STARD13: variants seen among roughly 807,000 people sequenced by gnomAD.
STARD13 encodes the protein stAR-related lipid transfer protein 13.
A neutral mutation model predicts 106.4 loss-of-function variants in STARD13; 62 were observed. That is an observed-to-expected ratio of 0.58 (90% CI 0.48 to 0.72). The LOEUF (loss-of-function observed/expected upper bound fraction) is 0.72, where lower values mean the gene tolerates loss of function less well. Ranked by LOEUF, STARD13 falls within the 30% of genes least tolerant of loss-of-function variation. The probability of loss-of-function intolerance (pLI) is 0.00; values close to 1 mark genes in which losing one functional copy is unlikely to be tolerated. For synonymous variants in STARD13, 565 were observed against 553.0 expected, an observed-to-expected ratio of 1.02 and a Z score of -0.31; for missense variants, 1,387 against 1,424.0, an observed-to-expected ratio of 0.97 and a Z score of 0.42.
At chr13:33,174,971 A>G (rs1398786818) in intron 1 of STARD13, among the ~76,000 whole-genome samples, 1 of 152,216 alleles carries the variant, frequency 6.6e-6, no homozygotes, top group African/African-American at 2.4e-5. Flanking sequence ...GCACCACAGA[A>G]AATCAAAAGC....
At chr13:33,192,730 C>A (rs1398710032) in intron 1 of STARD13, among the ~76,000 whole-genome samples, 1 of 152,134 alleles carries the variant, frequency 6.6e-6, no homozygotes, top group East Asian at 1.9e-4. Context: ...GAAACGCCAT[C>A]TCTACTAAAA....
chr13:33,204,567 G>C (rs185242271), intron 1 of STARD13, among the ~76,000 whole-genome samples: 1 of 152,144 alleles, frequency 6.6e-6, no homozygotes, highest in African/African-American at 2.4e-5. Flanking sequence ...TGTCAGTAAC[G>C]GCATAATCTC....
intron 1 of STARD13, among the ~76,000 whole-genome samples, chr13:33,238,397 A>C (rs1026249309): frequency 6.6e-6 from 1 of 152,202 alleles, no homozygotes; most frequent in Non-Finnish European, 1.5e-5. Flanking sequence ...AAATAAGGTG[A>C]AAGATTTGGG....
chr13:33,379,559 C>T, the STARD13 span, among the ~76,000 whole-genome samples: 4 of 152,152 alleles, frequency 2.6e-5, no homozygotes, highest in African/African-American at 9.7e-5. Context: ...ATTGCCTGTT[C>T]TCTCACTGGG....
chr13:33,443,720 C>T, the STARD13 span, among the ~76,000 whole-genome samples: 1 of 151,702 alleles, frequency 6.6e-6, no homozygotes, highest in East Asian at 2.0e-4. Flanking sequence ...CCCGTCTCTA[C>T]TGAAAATACA....
At chr13:33,269,992 T>A (rs936284945) in intron 1 of STARD13, among the ~76,000 whole-genome samples, 6 of 152,064 alleles carry the variant, frequency 3.9e-5, no homozygotes. Context: ...TCCCCGCACT[T>A]TGGGAGGCCG....
the STARD13 span, among the ~76,000 whole-genome samples, chr13:33,544,106 C>A: frequency 6.6e-6 from 1 of 152,136 alleles, no homozygotes; most frequent in Non-Finnish European, 1.5e-5. Context: ...AGTAATTGTT[C>A]TTTAGCTGTT....
intron 1 of STARD13, among the ~76,000 whole-genome samples, chr13:33,331,217 T>C (rs556409762): frequency 6.6e-6 from 1 of 152,304 alleles, no homozygotes; most frequent in Admixed American, 6.5e-5. Context: ...TCCGTGCATC[T>C]GTTTCTTTGC....
At chr13:33,506,922 T>C in the STARD13 span, among the ~76,000 whole-genome samples, 7 of 152,080 alleles carry the variant, frequency 4.6e-5, no homozygotes, top group African/African-American at 1.7e-4. Context: ...GACCTGCCTG[T>C]GCAACATAGT....
At chr13:33,377,349 G>A in the STARD13 span, among the ~76,000 whole-genome samples, 1 of 152,124 alleles carries the variant, frequency 6.6e-6, no homozygotes, top group Non-Finnish European at 1.5e-5. Flanking sequence ...AATGTGAAGA[G>A]ACATCTGGGA....
the STARD13 span, among the ~76,000 whole-genome samples, chr13:33,496,243 AT>A: frequency 6.8e-6 from 1 of 147,716 alleles, no homozygotes; most frequent in Non-Finnish European, 1.5e-5. Context: ...TATAAATTTT[AT>A]AATTTACATA....
chr13:33,627,776 C>T, the STARD13 span, among the ~76,000 whole-genome samples: 1 of 152,132 alleles, frequency 6.6e-6, no homozygotes, highest in Admixed American at 6.5e-5. Context: ...ATTGGCCTAG[C>T]CCTTAATTTA....
At chr13:33,315,539 A>G (rs1054477518) in intron 1 of STARD13, among the ~76,000 whole-genome samples, 1 of 152,216 alleles carries the variant, frequency 6.6e-6, no homozygotes, top group African/African-American at 2.4e-5. Flanking sequence ...ATCCACTGAC[A>G]GCAATGGTAA....
chr13:33,110,551 A>T, intron 11 of STARD13, 135 bp downstream of exon 11: 1 of 718,968 alleles, frequency 1.4e-6, no homozygotes, highest in South Asian at 1.7e-5. Flanking sequence ...AGTTCTTTGA[A>T]TGGTTCATGT....
intron 1 of STARD13, among the ~76,000 whole-genome samples, chr13:33,276,934 A>T (rs981807587): frequency 2.0e-5 from 3 of 152,126 alleles, no homozygotes; most frequent in Non-Finnish European, 2.9e-5. Flanking sequence ...GTCTAGCCAG[A>T]CACTGTAGAT....
intron 1 of STARD13, chr13:33,350,213 G>T: frequency 1.4e-6 from 2 of 1,443,010 alleles, no homozygotes; most frequent in Non-Finnish European, 1.8e-6. Context: ...GAGCAGAGGA[G>T]GGCGGCGGGC....
chr13:33,251,091 T>C (rs1890073309), intron 1 of STARD13, among the ~76,000 whole-genome samples: 1 of 152,156 alleles, frequency 6.6e-6, no homozygotes, highest in African/African-American at 2.4e-5. Context: ...GTGTAGAATC[T>C]AAGATGCCTG....
chr13:33,409,591 A>T, the STARD13 span, among the ~76,000 whole-genome samples: 1 of 152,236 alleles, frequency 6.6e-6, no homozygotes, highest in African/African-American at 2.4e-5. Context: ...AGGGCAGAGA[A>T]ATGTATTAAG....
chr13:33,319,989 T>C (rs2138525658), intron 1 of STARD13, among the ~76,000 whole-genome samples: 1 of 152,352 alleles, frequency 6.6e-6, no homozygotes, highest in Admixed American at 6.5e-5. Flanking sequence ...TCATTCCATC[T>C]CAACATCCTC....
Sources: gnomAD v4.1 joint callset for allele counts (sites outside exome capture counted in the v4.1 genomes callset) on GRCh38, gnomAD v4.1.1 for gene constraint, MANE v1.5 for transcripts, NCBI Gene and HGNC (gene_info 2026-07-23, HGNC 2026-07-21) for gene names.